The following USP32 variants were observed in gnomAD, a reference collection of about 807,000 sequenced individuals.
USP32 encodes the protein ubiquitin specific peptidase 32, also known as ubiquitin carboxyl-terminal hydrolase 32.
A neutral mutation model predicts 204.8 loss-of-function variants in USP32; 59 were observed. That is an observed-to-expected ratio of 0.29 (90% CI 0.23 to 0.36). The LOEUF (loss-of-function observed/expected upper bound fraction) is 0.36. USP32 is among the 10% of genes least tolerant of loss of function. The pLI is 1.00. For missense variants in USP32, 1,160 were observed against 1,946.4 expected, an observed-to-expected ratio of 0.60 and a Z score of 7.60; for synonymous variants, 517 against 678.4, an observed-to-expected ratio of 0.76 and a Z score of 3.70.
At chr17:60,272,055 T>G (rs1260950810) in intron 5 of USP32, among the ~76,000 whole-genome samples, 6 of 152,198 alleles carry the variant, frequency 3.9e-5, no homozygotes, top group Admixed American at 6.5e-5. Flanking sequence ...TCTCAAGCAG[T>G]CCTCTCACCT....
chr17:60,377,130 G>T (rs1160096705), intron 1 of USP32, among the ~76,000 whole-genome samples: 1 of 151,878 alleles, frequency 6.6e-6, no homozygotes, highest in Non-Finnish European at 1.5e-5. Context: ...ATTAAGATAG[G>T]ATATCTTCTG....
Position 60,207,066 on chromosome 17 carries a change from G to A in USP32, c.2992C>T (p.Pro998Ser). The stretch of plus-strand genomic sequence containing the variant: ...GCTGAAATTGGAGACACAGGGACAG[G>A]AATTTCAAATGCACACAAAAATCCA... ...VSGFLCAFEIPVPVSPISASS... is the reference protein window; with the variant it reads ...VSGFLCAFEISVPVSPISASS... The change falls in exon 25 of 34, where the codon CCT (proline) becomes TCT (serine). Residue 998 changes from proline (P) to serine (S), a missense_variant. Pro to Ser is a moderately conservative substitution (Grantham distance 74). This residue lies in a region of USP32 where 47 missense variants were observed against 71.1 expected (regional missense o/e 0.66). Transcript: ENST00000300896. 2 of 1,613,164 alleles carry A rather than the reference G, an allele frequency of 1.2e-6. No individual in the cohort carries two copies. Among genetic ancestry groups the A allele is most frequent in the Non-Finnish European group, 1.7e-6 (2 of 1,179,410 alleles).
chr17:60,261,553 G>A (rs2086453311), intron 9 of USP32, among the ~76,000 whole-genome samples: 1 of 152,014 alleles, frequency 6.6e-6, no homozygotes, highest in African/African-American at 2.4e-5. Context: ...GGCTGAGGCA[G>A]GAGCATCACT....
intron 27 of USP32, among the ~76,000 whole-genome samples, chr17:60,196,650 C>A (rs989234354): frequency 6.6e-6 from 1 of 151,806 alleles, no homozygotes; most frequent in South Asian, 2.1e-4. Flanking sequence ...CATGGTGAAA[C>A]CCTGTCTGTA....
At chr17:60,345,756 C>T (rs1261233980) in intron 1 of USP32, 148 bp from the exon 2 acceptor site, 35 of 989,452 alleles carry the variant, frequency 3.5e-5, no homozygotes, top group Admixed American at 4.9e-5. Flanking sequence ...CCAAGGCAGG[C>T]GGATCACTTA....
intron 3 of USP32, among the ~76,000 whole-genome samples, chr17:60,297,584 G>C (rs2087466104): frequency 6.6e-6 from 1 of 151,900 alleles, no homozygotes; most frequent in Non-Finnish European, 1.5e-5. Flanking sequence ...TAGTAGCTGG[G>C]ATTACAGTCA....
Position 60,226,579 on chromosome 17 carries a change from T to A in USP32, c.1240-348A>T, listed in dbSNP as rs116527161. Among the ~76,000 whole-genome samples the A allele has an allele frequency of 9.5e-3, 1,449 of 152,218 alleles. 32 individuals carry two copies. The highest frequency in any genetic ancestry group is 0.034 in the African/African-American group (1,394 of 41,532). On this transcript the variant is annotated intron_variant, in intron 12 of 33. Coordinates refer to ENST00000300896, the MANE Select transcript of USP32 (RefSeq NM_032582.4). ...TCCCATAGTACATGAATGTATATAA[T>A]TTTTTTATTATTAAAGATTACATGG... is the stretch of plus-strand genomic sequence containing the variant.
chr17:60,421,390 C>T (rs2090111832), intron 1 of USP32: 1 of 985,624 alleles, frequency 1.0e-6, no homozygotes, highest in Non-Finnish European at 1.2e-6. Context: ...CGCTATGCCC[C>T]TCTCCTGTGC....
intron 1 of USP32, chr17:60,421,405 G>C: frequency 1.0e-6 from 1 of 985,680 alleles, no homozygotes; most frequent in Non-Finnish European, 1.2e-6. Context: ...CTGTGCCCGA[G>C]GTGGCCGCTG....
intron 7 of USP32, among the ~76,000 whole-genome samples, chr17:60,267,872 G>A (rs535777878): frequency 6.6e-6 from 1 of 150,620 alleles, no homozygotes; most frequent in Non-Finnish European, 1.5e-5. Context: ...GTGCAATGGC[G>A]CAATCTTGGC....
chr17:60,348,131 A>AC (rs1460722094), intron 1 of USP32, among the ~76,000 whole-genome samples: 1 of 152,126 alleles, frequency 6.6e-6, no homozygotes, highest in Admixed American at 6.5e-5. Context: ...CAAAAAAAAA[A>AC]AAAGAGTAAG....
At chr17:60,306,683 G>A (rs1203210625) in intron 2 of USP32, among the ~76,000 whole-genome samples, 1 of 151,994 alleles carries the variant, frequency 6.6e-6, no homozygotes, top group Non-Finnish European at 1.5e-5. Flanking sequence ...GGAAAGGCCA[G>A]AGCAATCAGG....
intron 7 of USP32, among the ~76,000 whole-genome samples, chr17:60,266,944 G>A (rs998844138): frequency 2.0e-5 from 3 of 151,564 alleles, no homozygotes; most frequent in African/African-American, 4.8e-5. Context: ...GTGAGCCACT[G>A]TGCCCGGCCA....
chr17:60,368,221 T>A (rs1686109952), intron 1 of USP32, among the ~76,000 whole-genome samples: 1 of 152,186 alleles, frequency 6.6e-6, no homozygotes, highest in Non-Finnish European at 1.5e-5. Flanking sequence ...AAATACAGTA[T>A]TTAGAGATAC....
chr17:60,267,339 G>A (rs1253261144), intron 7 of USP32, among the ~76,000 whole-genome samples: 1 of 151,912 alleles, frequency 6.6e-6, no homozygotes, highest in Non-Finnish European at 1.5e-5. Context: ...GGGAGGCGGA[G>A]GTTGCAGTGA....
chr17:60,415,268 T>C (rs1220688691), intron 1 of USP32, among the ~76,000 whole-genome samples: 17 of 152,174 alleles, frequency 1.1e-4, no homozygotes, highest in Non-Finnish European at 2.2e-4. Flanking sequence ...TGGTCAAATA[T>C]CTTACTGGCC....
chr17:60,370,564 C>A (rs2089417355), intron 1 of USP32, among the ~76,000 whole-genome samples: 1 of 151,454 alleles, frequency 6.6e-6, no homozygotes, highest in African/African-American at 2.4e-5. Context: ...AGTTCAAGAC[C>A]AGCATGGGCA....
At chr17:60,376,293 G>C (rs997901689) in intron 1 of USP32, among the ~76,000 whole-genome samples, 2 of 151,198 alleles carry the variant, frequency 1.3e-5, no homozygotes, top group African/African-American at 4.9e-5. Flanking sequence ...GAAAAGTAAC[G>C]GTTTCTAAGA....
intron 1 of USP32, among the ~76,000 whole-genome samples, chr17:60,371,871 A>C (rs1289886691): frequency 6.6e-6 from 1 of 152,240 alleles, no homozygotes; most frequent in Non-Finnish European, 1.5e-5. Context: ...AATACTTAGA[A>C]TACTAAGCAA....
Sources: gnomAD v4.1 joint callset for allele counts (sites outside exome capture counted in the v4.1 genomes callset) on GRCh38, gnomAD v4.1.1 for gene constraint, gnomAD v4.1.1 regional missense constraint, MANE v1.5 for transcripts, NCBI Gene and HGNC (gene_info 2026-07-23, HGNC 2026-07-21) for gene names.